Variants in COMMD8 observed in about 807,000 individuals in gnomAD.
The protein encoded by COMMD8 is COMM domain-containing protein 8.
COMMD8 carries 28 observed loss-of-function variants against 27.2 expected under a neutral mutation model. The observed-to-expected ratio is 1.03, with a 90% CI of 0.76 to 1.41. COMMD8 has a LOEUF of 1.41. Among genes scored for constraint, COMMD8 ranks in the 40% most tolerant of loss-of-function variants. The probability of loss-of-function intolerance (pLI) is 0.00; values close to 1 mark genes in which losing one functional copy is unlikely to be tolerated. For missense variants in COMMD8, 217 were observed against 211.2 expected (o/e 1.03, Z -0.17); for synonymous variants, 79 against 75.5 (o/e 1.05, Z -0.24).
chr4:47,451,940 G>A (rs571736372), intron 4 of COMMD8, among the ~76,000 whole-genome samples: 3 of 152,272 alleles, frequency 2.0e-5, no homozygotes, highest in African/African-American at 4.8e-5. Flanking sequence ...CATGTGGACC[G>A]GTAATCAAAG....
intron 3 of COMMD8, among the ~76,000 whole-genome samples, chr4:47,456,323 C>T (rs1329479499): frequency 7.3e-6 from 1 of 137,074 alleles, no homozygotes; most frequent in African/African-American, 2.6e-5. Context: ...CTATATGCTG[C>T]CCCATCACTT....
chr4:47,453,357 C>A, intron 3 of COMMD8, 143 bp from the exon 4 acceptor site: 1 of 622,850 alleles, frequency 1.6e-6, no homozygotes, highest in Non-Finnish European at 2.7e-6. Flanking sequence ...TAAATTAAGT[C>A]CATGCTAAAG....
chr4:47,453,717 AT>A (rs1222670634), intron 3 of COMMD8, among the ~76,000 whole-genome samples: 3 of 152,204 alleles, frequency 2.0e-5, no homozygotes, highest in African/African-American at 7.2e-5. Flanking sequence ...CACTCTGTAC[AT>A]TTACCTCACT....
intron 1 of COMMD8, among the ~76,000 whole-genome samples, chr4:47,461,180 C>T (rs1730016313): frequency 6.6e-6 from 1 of 152,154 alleles, no homozygotes; most frequent in South Asian, 2.1e-4. Context: ...ATCACTAGTC[C>T]TCCTCCTCCA....
intron 3 of COMMD8, among the ~76,000 whole-genome samples, chr4:47,454,006 T>C (rs991215983): frequency 6.6e-6 from 1 of 152,320 alleles, no homozygotes; most frequent in South Asian, 2.1e-4. Context: ...AATCAAATCT[T>C]GACATAGCTC....
In COMMD8 at chr4:47,451,495, TA is replaced by T; in HGVS notation, c.*149del. The T allele has an allele frequency of 1.6e-6, 1 of 623,186 alleles. No homozygotes were observed. Among genetic ancestry groups the T allele is most frequent in the Non-Finnish European group, 2.8e-6 (1 of 357,798 alleles). The allele number at this position is 623,186 out of a possible 1,614,324, so 38.6% of individuals were successfully genotyped here. A position where few individuals can be genotyped will look rare whatever the true frequency, so the allele number is the denominator to read the frequency against. The stretch of plus-strand genomic sequence containing the variant: ...GTAATTTCCTGTTAAGGAATGTTGA[TA>T]AATTTTTATCTTTATAATATCAATA... On this transcript the variant is annotated 3_prime_UTR_variant, in exon 5 of 5. Transcript: ENST00000381571.
In COMMD8 at chr4:47,460,128, T is replaced by C; in HGVS notation, c.222+16A>G. On this transcript the variant is annotated intron_variant, in intron 2 of 4. Transcript: ENST00000381571. The stretch of plus-strand genomic sequence containing the variant: ...CATTATTTATTGTAAGTTATAGAAA[T>C]GTGCAGAGAAGTTACCTCTTCATCA... The C allele has an allele frequency of 3.7e-6, 6 of 1,606,022 alleles. No individual in the cohort carries two copies. The highest frequency in any genetic ancestry group is 4.3e-6 in the Non-Finnish European group (5 of 1,175,506).
intron 3 of COMMD8, among the ~76,000 whole-genome samples, chr4:47,454,909 A>G (rs984803588): frequency 1.3e-5 from 2 of 151,876 alleles, no homozygotes; most frequent in African/African-American, 4.8e-5. Flanking sequence ...TTCTACCAAC[A>G]AAATACGGGC....
At chr4:47,459,474 A>G (rs1729966824) in intron 2 of COMMD8, among the ~76,000 whole-genome samples, 1 of 152,176 alleles carries the variant, frequency 6.6e-6, no homozygotes. Context: ...GAACATTTAT[A>G]GCAGCACTAC....
Position 47,463,542 on chromosome 4 carries a change from C to G in COMMD8, c.66+44G>C, listed in dbSNP as rs967507146. 5.2e-6 allele frequency: 8 copies of G among 1,526,492 alleles called. No homozygotes were observed. The African/African-American group carries it at 6.9e-5, about 13-fold the overall frequency. 94.6% of individuals were successfully genotyped at this position (1,526,492 alleles called of 1,614,324 possible). ...GCCTGATCCGCACGCCGGGCTGTCG[C>G]GAATCCCAGGCCCCGCGCCGCTTCC... On this transcript the variant is annotated intron_variant, in intron 1 of 4. Coordinates refer to ENST00000381571, the MANE Select transcript of COMMD8 (RefSeq NM_017845.5).
At chr4:47,461,518 C>CG (rs1730024501) in intron 1 of COMMD8, among the ~76,000 whole-genome samples, 3 of 151,222 alleles carry the variant, frequency 2.0e-5, no homozygotes, top group African/African-American at 7.3e-5. Context: ...TGTCCCCATG[C>CG]TAAAAAAAAA....
At chr4:47,453,261 T>C (rs62297857) in intron 3 of COMMD8, 47 bp from the exon 4 acceptor site, 1 of 1,482,986 alleles carries the variant, frequency 6.7e-7, no homozygotes, top group African/African-American at 1.4e-5. Context: ...TAAAAAGAAC[T>C]ATATTGAGTA....
intron 3 of COMMD8, among the ~76,000 whole-genome samples, chr4:47,454,376 C>A (rs910670984): frequency 1.3e-5 from 2 of 152,166 alleles, no homozygotes; most frequent in African/African-American, 4.8e-5. Context: ...TAGGTTTAAT[C>A]TTTTCCAGGT....
Position 47,463,585 on chromosome 4 carries a change from C to T in COMMD8, c.66+1G>A, listed in dbSNP as rs1394646130. The T allele has an allele frequency of 3.2e-6, 5 of 1,544,704 alleles. No homozygotes were observed. Among genetic ancestry groups the T allele is most frequent in the African/African-American group, 2.7e-5 (2 of 72,884 alleles). ...CCGCTTCCCCCGGTACCCGCCCTCA[C>T]CTGCGGGCCCAGCTCGGCCGGCAGC... is the stretch of plus-strand genomic sequence containing the variant. On this transcript the variant is annotated splice_donor_variant, in intron 1 of 4. Coordinates refer to ENST00000381571, the MANE Select transcript of COMMD8 (RefSeq NM_017845.5). LOFTEE classifies it high-confidence loss of function.
Position 47,456,684 on chromosome 4 carries a change from T to C in COMMD8, c.268A>G (p.Ile90Val). The change falls in exon 3 of 5, where the codon ATC becomes GTC. Residue 90 changes from isoleucine (I) to valine (V), a missense_variant. Transcript: ENST00000381571. ...TTCCTACTTTTCACGCATTTCATGA[T>C]AGTTTCTTGATGAAGTGAATTCAAC... is the stretch of plus-strand genomic sequence containing the variant. The part of the protein sequence containing the change: ...NQLNSLHQET[I>V]MKCVKSRKDE... The C allele has an allele frequency of 6.2e-7, 1 of 1,608,118 alleles. No homozygotes were observed. Among genetic ancestry groups the C allele is most frequent in the African/African-American group, 1.3e-5 (1 of 74,684 alleles).
Position 47,451,493 on chromosome 4 carries a change from G to T in COMMD8, c.*152C>A. 1.6e-6 allele frequency: 1 copy of T among 616,684 alleles called. No homozygotes were observed. The highest frequency in any genetic ancestry group is 2.8e-6 in the Non-Finnish European group (1 of 353,494). 38.2% of individuals were successfully genotyped at this position (616,684 alleles called of 1,614,324 possible). On this transcript the variant is annotated 3_prime_UTR_variant, in exon 5 of 5. Coordinates refer to ENST00000381571, the MANE Select transcript of COMMD8 (RefSeq NM_017845.5). ...ATGTAATTTCCTGTTAAGGAATGTT[G>T]ATAAATTTTTATCTTTATAATATCA...
chr4:47,458,416 C>G (rs1453598515), intron 2 of COMMD8, among the ~76,000 whole-genome samples: 1 of 152,026 alleles, frequency 6.6e-6, no homozygotes, highest in Admixed American at 6.5e-5. Flanking sequence ...TAAAAATCAA[C>G]TGTACATACT....
At chr4:47,457,468 AT>A (rs1729924499) in intron 2 of COMMD8, among the ~76,000 whole-genome samples, 1 of 152,178 alleles carries the variant, frequency 6.6e-6, no homozygotes, top group African/African-American at 2.4e-5. Flanking sequence ...ATATAGAAGA[AT>A]TGAAAAAATG....
chr4:47,455,323 T>C (rs1729860370), intron 3 of COMMD8, among the ~76,000 whole-genome samples: 1 of 152,124 alleles, frequency 6.6e-6, no homozygotes, highest in Admixed American at 6.5e-5. Context: ...GTCTCCTTTA[T>C]CTTTTATATT....
Sources: gnomAD v4.1 joint callset for allele counts (sites outside exome capture counted in the v4.1 genomes callset) on GRCh38, gnomAD v4.1.1 for gene constraint, MANE v1.5 for transcripts, NCBI Gene and HGNC (gene_info 2026-07-23, HGNC 2026-07-21) for gene names.